Variants in SMAD2 observed in about 807,000 individuals in gnomAD.
SMAD2 encodes MAD homolog 2.
In SMAD2, 8 loss-of-function variants were observed where a neutral mutation model predicts 64.4. The ratio of observed to expected loss-of-function variants is 0.12; its 90% confidence interval spans 0.07 to 0.22. The LOEUF is 0.22. SMAD2 is among the 10% of genes least tolerant of loss of function. SMAD2 has a pLI of 1.00. For synonymous variants in SMAD2, 203 were observed against 195.8 expected, an observed-to-expected ratio of 1.04 and a Z score of -0.31; for missense variants, 289 against 561.2, an observed-to-expected ratio of 0.51 and a Z score of 4.90.
At chr18:47,882,040 G>GTTTT (rs1568078973) in intron 2 of SMAD2, among the ~76,000 whole-genome samples, 8 of 37,324 alleles carry the variant, frequency 2.1e-4, no homozygotes, top group Non-Finnish European at 3.9e-4. Flanking sequence ...ACCACGCTTG[G>GTTTT]CTTTTTTTTT....
At chr18:47,880,938 A>T (rs2032550225) in intron 2 of SMAD2, among the ~76,000 whole-genome samples, 1 of 151,376 alleles carries the variant, frequency 6.6e-6, no homozygotes, top group South Asian at 2.1e-4. Flanking sequence ...TCTTTCTGAA[A>T]CTCTCCTTGC....
chr18:47,870,631 A>T, intron 2 of SMAD2, 67 bp from the exon 3 acceptor site: 2 of 972,904 alleles, frequency 2.1e-6, no homozygotes, highest in Non-Finnish European at 3.3e-6. Context: ...AAATACCATG[A>T]TGTAAAACAT....
At chr18:47,879,528 G>GTGT (rs1555653713) in intron 2 of SMAD2, among the ~76,000 whole-genome samples, 1 of 151,020 alleles carries the variant, frequency 6.6e-6, no homozygotes, top group African/African-American at 2.4e-5. Flanking sequence ...GTGTGTGTGT[G>GTGT]GAGTCGTTTT....
intron 1 of SMAD2, among the ~76,000 whole-genome samples, chr18:47,916,209 A>G (rs1477802781): frequency 3.9e-5 from 6 of 152,172 alleles, no homozygotes; most frequent in Admixed American, 6.5e-5. Context: ...AATGCAGCCT[A>G]TATCCCCTTC....
chr18:47,926,288 C>T (rs915663604), intron 1 of SMAD2, among the ~76,000 whole-genome samples: 1 of 152,164 alleles, frequency 6.6e-6, no homozygotes, highest in Non-Finnish European at 1.5e-5. Flanking sequence ...AAGTATATTA[C>T]GTAGATTATT....
chr18:47,916,480 G>A lies in SMAD2; in HGVS notation c.-54+13881C>T, dbSNP rs144445296. 9.9e-3 allele frequency among the ~76,000 whole-genome samples: 1,513 copies of A among 152,180 alleles called. 28 individuals are homozygous for A. The highest frequency in any genetic ancestry group is 0.035 in the African/African-American group (1,436 of 41,508). ...CGCCCAGGCTGGAGTGCAGTGGCAC[G>A]ATCTTGTCTCACTGCAACCTCTGTC... is the stretch of plus-strand genomic sequence containing the variant. On this transcript the variant is annotated intron_variant, in intron 1 of 10. Coordinates refer to ENST00000262160, the MANE Select transcript of SMAD2 (RefSeq NM_005901.6).
At chr18:47,842,100 T>G in intron 10 of SMAD2, 150 bp from the exon 11 acceptor site, 1 of 794,082 alleles carries the variant, frequency 1.3e-6, no homozygotes, top group Non-Finnish European at 2.1e-6. Flanking sequence ...AAATGGTTGA[T>G]CCTCAAAGTC....
At chr18:47,879,094 T>C (rs2032433670) in intron 2 of SMAD2, among the ~76,000 whole-genome samples, 1 of 152,186 alleles carries the variant, frequency 6.6e-6, no homozygotes, top group Non-Finnish European at 1.5e-5. Flanking sequence ...ACTCACTCCA[T>C]CTTGAATGAC....
At chr18:47,863,098 C>T (rs2031307273) in intron 6 of SMAD2, among the ~76,000 whole-genome samples, 1 of 152,138 alleles carries the variant, frequency 6.6e-6, no homozygotes, top group African/African-American at 2.4e-5. Flanking sequence ...TTTTTAACAG[C>T]AGGTTATGAA....
chr18:47,868,254 A>T, intron 5 of SMAD2, 69 bp downstream of exon 5: 1 of 1,354,042 alleles, frequency 7.4e-7, no homozygotes, highest in South Asian at 1.2e-5. Context: ...ACAATTTACT[A>T]AAACTTGAAT....
chr18:47,917,211 A>C (rs557942879), intron 1 of SMAD2, among the ~76,000 whole-genome samples: 40 of 152,266 alleles, frequency 2.6e-4, no homozygotes, highest in Non-Finnish European at 3.5e-4. Context: ...TAGTTTTTTA[A>C]ATCTACCCTT....
intron 5 of SMAD2, chr18:47,867,273 C>A (rs1470413557): frequency 2.0e-5 from 3 of 151,908 alleles, no homozygotes; most frequent in African/African-American, 4.8e-5. Flanking sequence ...TTAAAACAAT[C>A]AAAAACCACT....
At chr18:47,849,911 G>A (rs1914931639) in intron 7 of SMAD2, among the ~76,000 whole-genome samples, 1 of 151,666 alleles carries the variant, frequency 6.6e-6, no homozygotes, top group Non-Finnish European at 1.5e-5. Context: ...AGGAGGCTGA[G>A]GCAGAGAATT....
intron 8 of SMAD2, 110 bp from the exon 9 acceptor site, chr18:47,845,910 C>T (rs1352216100): frequency 1.1e-6 from 1 of 938,352 alleles, no homozygotes; most frequent in African/African-American, 1.6e-5. Flanking sequence ...TTTCCAGGAT[C>T]TTTTTCACAG....
At chr18:47,886,570 CATCTATCT>C (rs5824712) in intron 2 of SMAD2, among the ~76,000 whole-genome samples, 8,459 of 146,734 alleles carry the variant, frequency 0.058, 248 homozygotes, top group African/African-American at 0.078. Flanking sequence ...TATATCTATC[CATCTATCT>C]ATCTATCTAT....
intron 1 of SMAD2, among the ~76,000 whole-genome samples, chr18:47,920,677 A>G (rs1159632854): frequency 6.6e-6 from 1 of 152,272 alleles, no homozygotes; most frequent in East Asian, 1.9e-4. Flanking sequence ...GTTATTCGAA[A>G]AAATGAATAA....
chr18:47,849,212 A>G (rs1176568180), intron 7 of SMAD2, among the ~76,000 whole-genome samples: 1 of 152,198 alleles, frequency 6.6e-6, no homozygotes, highest in Admixed American at 6.5e-5. Flanking sequence ...TAGCTACAAA[A>G]AGAGAAAACC....
intron 6 of SMAD2, among the ~76,000 whole-genome samples, chr18:47,863,338 G>C (rs771635848): frequency 1.3e-4 from 20 of 152,134 alleles, no homozygotes; most frequent in Non-Finnish European, 2.1e-4. Context: ...CATTCAGAAA[G>C]CCAGTAACAC....
At chr18:47,852,351 G>T (rs1037448116) in intron 6 of SMAD2, among the ~76,000 whole-genome samples, 1 of 152,040 alleles carries the variant, frequency 6.6e-6, no homozygotes, top group Non-Finnish European at 1.5e-5. Flanking sequence ...CAGTGATGAC[G>T]GTGGATATCT....
Sources: gnomAD v4.1 joint callset for allele counts (sites outside exome capture counted in the v4.1 genomes callset) on GRCh38, gnomAD v4.1.1 for gene constraint, MANE v1.5 for transcripts, NCBI Gene and HGNC (gene_info 2026-07-23, HGNC 2026-07-21) for gene names.